WDR37: variants seen among roughly 807,000 people sequenced by gnomAD.
WDR37 encodes WD repeat-containing protein 37.
Under a neutral mutation model 62.9 loss-of-function variants are expected in WDR37, and 19 were observed. That is an observed-to-expected ratio of 0.30 (90% CI 0.21 to 0.44). The LOEUF is 0.44. WDR37 is among the 20% of genes least tolerant of loss of function. The probability of loss-of-function intolerance (pLI) is 1.00; values close to 1 mark genes in which losing one functional copy is unlikely to be tolerated. For missense variants in WDR37, 474 were observed against 657.6 expected (o/e 0.72, Z 3.05); for synonymous variants, 250 against 260.9 (o/e 0.96, Z 0.40).
intron 1 of WDR37, among the ~76,000 whole-genome samples, chr10:1,069,389 A>ATATATATATATTTTTTTTTTTTTTTT: frequency 1.8e-4 from 17 of 95,776 alleles, no homozygotes; most frequent in African/African-American, 8.0e-4. Flanking sequence ...ATATATATAT[A>ATATATATATATTTTTTTTTTTTTTTT]TTTTTTTTTT....
chr10:1,081,402 G>A (rs1271995518), intron 5 of WDR37, among the ~76,000 whole-genome samples: 1 of 152,208 alleles, frequency 6.6e-6, no homozygotes, highest in Admixed American at 6.5e-5. Context: ...TGCTATGATG[G>A]TGTAAGTAGT....
intron 1 of WDR37, among the ~76,000 whole-genome samples, chr10:1,066,926 A>T (rs1833572430): frequency 6.6e-6 from 1 of 152,184 alleles, no homozygotes; most frequent in Non-Finnish European, 1.5e-5. Flanking sequence ...TTATAGAACC[A>T]TCAGATCTTG....
Position 1,103,355 on chromosome 10 carries a change from T to C in WDR37, c.727-247T>C, listed in dbSNP as rs1275294895. On this transcript the variant is annotated intron_variant, in intron 9 of 13. Transcript: ENST00000263150. This position sits in a 1 kb window ranked among gnomAD's most constrained non-coding sequence, Gnocchi z 6.3. ...AAATAAATGGTAGTTCGGTTGACAA[T>C]GTTGTGGATTCCACTTTTTTTTCTG... 6.6e-6 allele frequency among the ~76,000 whole-genome samples: 1 copy of C among 152,202 alleles called. No homozygotes were observed. Among genetic ancestry groups the C allele is most frequent in the Non-Finnish European group, 1.5e-5 (1 of 68,040 alleles).
chr10:1,105,716 G>A lies in WDR37; in HGVS notation c.1103+449G>A, dbSNP rs369526205. 1.1e-3 allele frequency among the ~76,000 whole-genome samples: 166 copies of A among 152,208 alleles called. No homozygotes were observed. Among genetic ancestry groups the A allele is most frequent in the African/African-American group, 3.2e-3 (134 of 41,558 alleles). ...TGGGAGAAGGTATACACATAGACGCGCAAACACAGACATAGACCCTCAATC... is the reference window on the plus strand; with the variant it reads ...TGGGAGAAGGTATACACATAGACGCACAAACACAGACATAGACCCTCAATC... On this transcript the variant is annotated intron_variant, in intron 11 of 13. Coordinates refer to ENST00000263150, the MANE Select transcript of WDR37 (RefSeq NM_014023.4). This position sits in a 1 kb window ranked among gnomAD's most constrained non-coding sequence, Gnocchi z 5.3.
intron 9 of WDR37, among the ~76,000 whole-genome samples, chr10:1,102,638 A>G: frequency 6.6e-6 from 1 of 152,088 alleles, no homozygotes. Flanking sequence ...GAGCTCACCC[A>G]CTATTGTGAG....
chr10:1,122,414 T>C (rs1000347111), intron 11 of WDR37, among the ~76,000 whole-genome samples: 2 of 152,174 alleles, frequency 1.3e-5, no homozygotes, highest in Non-Finnish European at 2.9e-5. Flanking sequence ...CAAGCCTGTG[T>C]CTCTCTGAGA....
rs1835910079 is a variant in WDR37 at position 1,129,451 on chromosome 10, AG to A, written c.*110del. The A allele has an allele frequency of 2.0e-6, 3 of 1,511,004 alleles. No homozygotes were observed. The Admixed American group carries it at 5.6e-5, about 28-fold the overall frequency. The allele number at this position is 1,511,004 out of a possible 1,614,324, so 93.6% of individuals were successfully genotyped here. ...TTTTTGTGAGAGTTTGACCCTGGAA[AG>A]GGTGCTTTGTATATGTTCTTTTCAC... On this transcript the variant is annotated 3_prime_UTR_variant, in exon 14 of 14. Coordinates refer to ENST00000263150, the MANE Select transcript of WDR37 (RefSeq NM_014023.4).
At chr10:1,122,881 A>G (rs575427198) in intron 11 of WDR37, among the ~76,000 whole-genome samples, 1 of 152,398 alleles carries the variant, frequency 6.6e-6, no homozygotes, top group South Asian at 2.1e-4. Flanking sequence ...AATTCAAGTG[A>G]TAACATCCTT....
chr10:1,126,373 T>G (rs556047778), intron 13 of WDR37, among the ~76,000 whole-genome samples: 2 of 145,576 alleles, frequency 1.4e-5, no homozygotes, highest in Non-Finnish European at 3.0e-5. Context: ...GCCACTGCAC[T>G]CCAGCCTGGG....
chr10:1,065,089 CAAAA>C (rs952650744), intron 1 of WDR37, among the ~76,000 whole-genome samples: 71 of 152,020 alleles, frequency 4.7e-4, no homozygotes, highest in African/African-American at 1.7e-3. Flanking sequence ...AAGGAAATGA[CAAAA>C]GAAATGTGGG....
chr10:1,113,247 C>T (rs56004802), intron 11 of WDR37, among the ~76,000 whole-genome samples: 11,599 of 152,242 alleles, frequency 0.076, 461 homozygotes, highest in East Asian at 0.1. Flanking sequence ...CATCTGTTTA[C>T]ACCATGGTTT....
Position 1,069,391 on chromosome 10 carries a change from T to TATA in WDR37, c.-40-2725_-40-2724insATA, listed in dbSNP as rs200599689. On this transcript the variant is annotated intron_variant, in intron 1 of 13. Coordinates refer to ENST00000263150, the MANE Select transcript of WDR37 (RefSeq NM_014023.4). ...AAAGAATATATATATATATATATAT[T>TATA]TTTTTTTTTTTTTTTTGCAGCAGGT... Among the ~76,000 whole-genome samples, 268 of 45,918 alleles carry TATA rather than the reference T, an allele frequency of 5.8e-3. 2 individuals carry two copies. The highest frequency in any genetic ancestry group is 7.9e-3 in the South Asian group (8 of 1,014). The allele number at this position is 45,918 out of a possible 152,430, so 30.1% of individuals were successfully genotyped here. A position where few individuals can be genotyped will look rare whatever the true frequency, so the allele number is the denominator to read the frequency against.
Position 1,103,972 on chromosome 10 carries a change from G to A in WDR37, c.961+136G>A, listed in dbSNP as rs1292958819. Reference sequence around the variant, plus strand: ...CTTGGCTCTTCTGTGGTAATTTTTGGAGATTCTTTCTATTAATAATAGAAC... The same window carrying A: ...CTTGGCTCTTCTGTGGTAATTTTTGAAGATTCTTTCTATTAATAATAGAAC... On this transcript the variant is annotated intron_variant, in intron 10 of 13. Transcript: ENST00000263150. This position sits in a 1 kb window ranked among gnomAD's most constrained non-coding sequence, Gnocchi z 6.3. 2 of 854,626 alleles carry A rather than the reference G, an allele frequency of 2.3e-6. No homozygotes were observed. Among genetic ancestry groups the A allele is most frequent in the Non-Finnish European group, 3.6e-6 (2 of 562,552 alleles). 52.9% of individuals were successfully genotyped at this position (854,626 alleles called of 1,614,324 possible).
At chr10:1,128,197 CTT>C (rs1835860125) in intron 13 of WDR37, among the ~76,000 whole-genome samples, 1 of 152,194 alleles carries the variant, frequency 6.6e-6, no homozygotes, top group Middle Eastern at 3.2e-3. Flanking sequence ...TTCAGGAGAA[CTT>C]TATGCCATTC....
rs1397492114 is a variant in WDR37, at chr10:1,103,252, T to C, written c.727-350T>C. Among the ~76,000 whole-genome samples the C allele has an allele frequency of 6.6e-6, 1 of 152,280 alleles. No individual in the cohort carries two copies. The highest frequency in any genetic ancestry group is 1.5e-5 in the Non-Finnish European group (1 of 68,050). ...ACTTTCATTTGTATTTGGTTAGTTT[T>C]ATATTGCATTTCTACTAGTAACTGA... On this transcript the variant is annotated intron_variant, in intron 9 of 13. Coordinates refer to ENST00000263150, the MANE Select transcript of WDR37 (RefSeq NM_014023.4). This position sits in a 1 kb window ranked among gnomAD's most constrained non-coding sequence, Gnocchi z 6.3.
chr10:1,078,887 G>T (rs1833949600), intron 3 of WDR37, among the ~76,000 whole-genome samples: 1 of 152,134 alleles, frequency 6.6e-6, no homozygotes, highest in South Asian at 2.1e-4. Flanking sequence ...GATTCCAAAG[G>T]TTGAATACTA....
chr10:1,099,517 G>A (rs955900318), intron 9 of WDR37, among the ~76,000 whole-genome samples: 1 of 152,206 alleles, frequency 6.6e-6, no homozygotes, highest in South Asian at 2.1e-4. Flanking sequence ...TGATAAATGA[G>A]TTTTCTTTAG....
rs1834896659 is a variant in WDR37 at position 1,103,658 on chromosome 10, G to C, written c.783G>C (p.Gly261=). ...CSDKDEPDLD[G]DVSSDCPTIR... ...ACAAGGACGAGCCCGACCTCGATGGGGATGTGTCCAGCGACTGCCCCACCA... is the reference window on the plus strand; with the variant it reads ...ACAAGGACGAGCCCGACCTCGATGGCGATGTGTCCAGCGACTGCCCCACCA... The change falls in exon 10 of 14, where the codon GGG becomes GGC. Residue 261 remains glycine, a synonymous_variant. Coordinates refer to ENST00000263150, the MANE Select transcript of WDR37 (RefSeq NM_014023.4). This position sits in a 1 kb window ranked among gnomAD's most constrained non-coding sequence, Gnocchi z 6.3. 3 of 1,614,250 alleles carry C rather than the reference G, an allele frequency of 1.9e-6. No individual in the cohort carries two copies. In the South Asian group the frequency reaches 3.3e-5, roughly 18 times the overall value.
At chr10:1,088,200 TC>T (rs1255980042) in intron 7 of WDR37, among the ~76,000 whole-genome samples, 2 of 152,242 alleles carry the variant, frequency 1.3e-5, no homozygotes, top group African/African-American at 4.8e-5. Flanking sequence ...CACTCAAACT[TC>T]CTGTGTATCG....
Sources: gnomAD v4.1 joint callset for allele counts (sites outside exome capture counted in the v4.1 genomes callset) on GRCh38, gnomAD v4.1.1 for gene constraint, Gnocchi (gnomAD v3.1) non-coding constraint, MANE v1.5 for transcripts, NCBI Gene and HGNC (gene_info 2026-07-23, HGNC 2026-07-21) for gene names.